The following ZNF385D variants were observed in gnomAD, a reference collection of about 807,000 sequenced individuals.
ZNF385D encodes zinc finger protein 659.
ZNF385D carries 15 observed loss-of-function variants against 35.8 expected under a neutral mutation model. That is an observed-to-expected ratio of 0.42 (90% CI 0.28 to 0.64). ZNF385D has a LOEUF of 0.64. Ranked by LOEUF, ZNF385D falls within the 30% of genes least tolerant of loss-of-function variation. The probability of loss-of-function intolerance (pLI) is 0.23; values close to 1 mark genes in which losing one functional copy is unlikely to be tolerated. For missense variants in ZNF385D, 474 were observed against 494.6 expected, an observed-to-expected ratio of 0.96 and a Z score of 0.39; for synonymous variants, 212 against 186.8, an observed-to-expected ratio of 1.13 and a Z score of -1.10.
At chr3:21,859,040 A>T (rs546330241) in intron 3 of ZNF385D, among the ~76,000 whole-genome samples, 3 of 152,054 alleles carry the variant, frequency 2.0e-5, no homozygotes, top group Non-Finnish European at 2.9e-5. Context: ...AACGGGGGGA[A>T]GTAGGCGGGG....
intron 3 of ZNF385D, among the ~76,000 whole-genome samples, chr3:22,166,189 G>A (rs913838895): frequency 1.3e-5 from 2 of 152,048 alleles, no homozygotes; most frequent in African/African-American, 4.8e-5. Context: ...CCTACATCAT[G>A]TTACTAATAT....
At chr3:21,800,441 G>C (rs1486036696) in intron 3 of ZNF385D, among the ~76,000 whole-genome samples, 1 of 151,964 alleles carries the variant, frequency 6.6e-6, no homozygotes, top group Admixed American at 6.6e-5. Context: ...AGTTTTCAGA[G>C]TTTTCAGAAT....
At chr3:22,254,898 G>A (rs999575446) in intron 2 of ZNF385D, among the ~76,000 whole-genome samples, 6 of 151,704 alleles carry the variant, frequency 4.0e-5, no homozygotes, top group Non-Finnish European at 8.8e-5. Context: ...TCACAAAGAT[G>A]GCCAAATAAT....
intron 3 of ZNF385D, among the ~76,000 whole-genome samples, chr3:21,971,312 A>G (rs1703241529): frequency 6.6e-6 from 1 of 152,066 alleles, no homozygotes; most frequent in South Asian, 2.1e-4. Context: ...AAAGTTAGAA[A>G]ACAGGATGAT....
chr3:21,600,736 AATAAG>A (rs1473173738), intron 2 of ZNF385D, among the ~76,000 whole-genome samples: 1 of 152,182 alleles, frequency 6.6e-6, no homozygotes, highest in Non-Finnish European at 1.5e-5. Context: ...GTAACAAAAA[AATAAG>A]ATAACAGTGT....
At chr3:21,878,361 C>A (rs1698090843) in intron 3 of ZNF385D, among the ~76,000 whole-genome samples, 1 of 151,970 alleles carries the variant, frequency 6.6e-6, no homozygotes, top group African/African-American at 2.4e-5. Context: ...GCCATGTGAG[C>A]AAGCCTGTTT....
At chr3:21,698,598 A>C (rs1340100591) in intron 1 of ZNF385D, among the ~76,000 whole-genome samples, 1 of 151,938 alleles carries the variant, frequency 6.6e-6, no homozygotes, top group Non-Finnish European at 1.5e-5. Flanking sequence ...ATGCTCCCTC[A>C]AGCAAATATC....
upstream of ZNF385D, among the ~76,000 whole-genome samples, chr3:21,755,473 A>G (rs2070299187): frequency 6.6e-6 from 1 of 152,188 alleles, no homozygotes; most frequent in Non-Finnish European, 1.5e-5. Flanking sequence ...ATTCACCTGA[A>G]GACTACATTC....
chr3:22,109,282 T>C (rs975202492), intron 3 of ZNF385D, among the ~76,000 whole-genome samples: 2 of 152,150 alleles, frequency 1.3e-5, no homozygotes, highest in Admixed American at 6.6e-5. Flanking sequence ...TAATAATTTA[T>C]TAATCTTCAG....
chr3:21,438,654 T>A (rs957495349), intron 4 of ZNF385D, among the ~76,000 whole-genome samples: 1 of 152,110 alleles, frequency 6.6e-6, no homozygotes, highest in Non-Finnish European at 1.5e-5. Flanking sequence ...GGATCTTGTT[T>A]CCTTTGCCTG....
At chr3:21,886,819 G>C (rs1698571560) in intron 3 of ZNF385D, among the ~76,000 whole-genome samples, 1 of 152,082 alleles carries the variant, frequency 6.6e-6, no homozygotes, top group African/African-American at 2.4e-5. Flanking sequence ...TTTTTAAATA[G>C]TTCTCCCTAC....
At chr3:21,902,711 A>G (rs1699471745) in intron 3 of ZNF385D, among the ~76,000 whole-genome samples, 1 of 152,172 alleles carries the variant, frequency 6.6e-6, no homozygotes, top group Non-Finnish European at 1.5e-5. Flanking sequence ...GTCATTTAAA[A>G]GAAAATGGCA....
intron 3 of ZNF385D, among the ~76,000 whole-genome samples, chr3:22,113,639 C>T (rs972987782): frequency 3.9e-5 from 6 of 152,142 alleles, no homozygotes; most frequent in Admixed American, 1.3e-4. Context: ...AACCACAGGA[C>T]TGGTCTTGTT....
At chr3:21,658,010 G>T (rs576605137) in intron 2 of ZNF385D, among the ~76,000 whole-genome samples, 1 of 151,832 alleles carries the variant, frequency 6.6e-6, no homozygotes, top group Non-Finnish European at 1.5e-5. Flanking sequence ...ATTCTGAAGG[G>T]TATATATCCA....
At chr3:21,662,281 A>G (rs560317959) in intron 2 of ZNF385D, among the ~76,000 whole-genome samples, 1 of 152,268 alleles carries the variant, frequency 6.6e-6, no homozygotes, top group African/African-American at 2.4e-5. Context: ...CCAGGTGCTG[A>G]CCATCTCATG....
At chr3:21,997,873 G>A (rs1439459733) in intron 3 of ZNF385D, among the ~76,000 whole-genome samples, 1 of 42,468 alleles carries the variant, frequency 2.4e-5, no homozygotes, top group South Asian at 5.3e-4. Flanking sequence ...GCGCGCGCGC[G>A]TGTGTGTGTG....
At chr3:21,628,966 A>T (rs2065207496) in intron 2 of ZNF385D, among the ~76,000 whole-genome samples, 1 of 152,084 alleles carries the variant, frequency 6.6e-6, no homozygotes, top group Non-Finnish European at 1.5e-5. Context: ...TGCCTGGGAA[A>T]TGACTATTAA....
At chr3:22,329,679 T>G (rs1575131508) in intron 2 of ZNF385D, among the ~76,000 whole-genome samples, 1 of 152,164 alleles carries the variant, frequency 6.6e-6, no homozygotes, top group African/African-American at 2.4e-5. Flanking sequence ...AAATATTATA[T>G]AGATCAACAC....
intron 3 of ZNF385D, among the ~76,000 whole-genome samples, chr3:22,070,461 A>C (rs1700176463): frequency 6.6e-6 from 1 of 152,126 alleles, no homozygotes; most frequent in African/African-American, 2.4e-5. Context: ...GTTGTATTTT[A>C]TAAGAGAGAG....
Sources: gnomAD v4.1 joint callset for allele counts (sites outside exome capture counted in the v4.1 genomes callset) on GRCh38, gnomAD v4.1.1 for gene constraint, MANE v1.5 for transcripts, NCBI Gene and HGNC (gene_info 2026-07-23, HGNC 2026-07-21) for gene names.